Variants in AGBL4 observed in about 807,000 individuals in gnomAD.
AGBL4 encodes AGBL carboxypeptidase 4, also known as cytosolic carboxypeptidase 6.
AGBL4 carries 58 observed loss-of-function variants against 66.4 expected under a neutral mutation model. The observed-to-expected ratio is 0.87, with a 90% CI of 0.71 to 1.09. The LOEUF (loss-of-function observed/expected upper bound fraction) is 1.09. Among genes scored for constraint, AGBL4 ranks in the 50% least tolerant of loss-of-function variants. AGBL4 has a pLI of 0.00. For missense variants in AGBL4, 579 were observed against 631.0 expected (o/e 0.92, Z 0.88); for synonymous variants, 234 against 222.9 (o/e 1.05, Z -0.44).
chr1:48,582,560 T>C (rs1179603016), intron 11 of AGBL4, among the ~76,000 whole-genome samples: 1 of 152,096 alleles, frequency 6.6e-6, no homozygotes, highest in Non-Finnish European at 1.5e-5. Context: ...AAGTTAAAGA[T>C]TCAACCAACA....
Position 49,855,236 on chromosome 1 carries a change from C to T in AGBL4, c.35-3718G>A, listed in dbSNP as rs796191420. Among the ~76,000 whole-genome samples, 14 of 152,096 alleles carry T rather than the reference C, an allele frequency of 9.2e-5. 1 individual carries two copies. Among genetic ancestry groups the T allele is most frequent in the African/African-American group, 3.1e-4 (13 of 41,490 alleles). On this transcript the variant is annotated intron_variant, in intron 1 of 13. Coordinates refer to ENST00000371839, the MANE Select transcript of AGBL4 (RefSeq NM_032785.4). ...GATATAACAAATATATATATATGCC[C>T]CCAACACCAGAACATCCAGATATAT... is the stretch of plus-strand genomic sequence containing the variant.
chr1:48,524,424 T>C, the AGBL4 span, among the ~76,000 whole-genome samples: 1 of 152,126 alleles, frequency 6.6e-6, no homozygotes, highest in African/African-American at 2.4e-5. Flanking sequence ...TGGTGAGCTC[T>C]CCACCCCAGA....
At chr1:49,657,430 G>A (rs1332574733) in intron 3 of AGBL4, among the ~76,000 whole-genome samples, 1 of 152,124 alleles carries the variant, frequency 6.6e-6, no homozygotes, top group Non-Finnish European at 1.5e-5. Flanking sequence ...TGGCCATACT[G>A]CCCAAGGTAA....
At chr1:48,888,283 G>A (rs1650567490) in intron 5 of AGBL4, among the ~76,000 whole-genome samples, 1 of 152,152 alleles carries the variant, frequency 6.6e-6, no homozygotes, top group Admixed American at 6.6e-5. Flanking sequence ...CTTTCTGCAT[G>A]TCAATGGGGA....
chr1:49,719,644 G>A (rs1206826923), intron 2 of AGBL4, among the ~76,000 whole-genome samples: 1 of 152,070 alleles, frequency 6.6e-6, no homozygotes, highest in Non-Finnish European at 1.5e-5. Flanking sequence ...ATAAAAGACT[G>A]AAAGTAAGAT....
intron 5 of AGBL4, among the ~76,000 whole-genome samples, chr1:48,883,674 C>T (rs780525684): frequency 5.3e-5 from 8 of 152,178 alleles, no homozygotes; most frequent in Non-Finnish European, 1.2e-4. Context: ...GTCCCATTCA[C>T]CACTGTAGCC....
At chr1:48,850,305 T>C (rs562043065) in intron 6 of AGBL4, among the ~76,000 whole-genome samples, 3 of 152,124 alleles carry the variant, frequency 2.0e-5, no homozygotes, top group Non-Finnish European at 4.4e-5. Flanking sequence ...AGCTGTCAGA[T>C]CCCAGAATCA....
At chr1:48,902,640 T>C (rs1021025094) in intron 5 of AGBL4, among the ~76,000 whole-genome samples, 4 of 152,098 alleles carry the variant, frequency 2.6e-5, no homozygotes, top group Admixed American at 6.6e-5. Context: ...GAAGCCCTCA[T>C]CTCCTTTTTC....
intron 1 of AGBL4, among the ~76,000 whole-genome samples, chr1:49,918,036 T>C (rs379818): frequency 7.0e-4 from 106 of 152,080 alleles, no homozygotes; most frequent in African/African-American, 2.5e-3. Flanking sequence ...TTGAAACCAA[T>C]GAGAACAAAG....
intron 1 of AGBL4, among the ~76,000 whole-genome samples, chr1:49,860,074 A>C (rs1646530850): frequency 6.6e-6 from 1 of 152,246 alleles, no homozygotes; most frequent in Non-Finnish European, 1.5e-5. Context: ...AAAAGGTCTA[A>C]ATAAAGGGAG....
intron 3 of AGBL4, among the ~76,000 whole-genome samples, chr1:49,378,425 C>T (rs1012521306): frequency 6.6e-6 from 1 of 151,910 alleles, no homozygotes; most frequent in Non-Finnish European, 1.5e-5. Context: ...ACTGTGAAAA[C>T]CTAACACTGT....
intron 4 of AGBL4, among the ~76,000 whole-genome samples, chr1:49,089,281 G>GA (rs1004568490): frequency 9.4e-4 from 139 of 147,754 alleles, no homozygotes; most frequent in African/African-American, 2.6e-3. Context: ...ATTGAGATGG[G>GA]AAAAAAAAAC....
intron 3 of AGBL4, among the ~76,000 whole-genome samples, chr1:49,443,173 TTAG>T (rs1646074028): frequency 6.6e-6 from 1 of 152,162 alleles, no homozygotes; most frequent in Admixed American, 6.5e-5. Flanking sequence ...ATTCTGGATA[TTAG>T]TCCTTTATCA....
rs528931439 is a variant in AGBL4 at position 49,740,864 on chromosome 1, C to G, written c.158-43427G>C. On this transcript the variant is annotated intron_variant, in intron 2 of 13. Transcript: ENST00000371839. ...TCTTTGAAACCAATGAGAACAAACA[C>G]ACAACATACCAGAATCTCTGGGACA... Among the ~76,000 whole-genome samples, 4 of 152,256 alleles carry G rather than the reference C, an allele frequency of 2.6e-5. No individual in the cohort carries two copies. The East Asian group carries it at 7.7e-4, about 29-fold the overall frequency.
At chr1:49,346,139 A>G (rs1645629787) in intron 3 of AGBL4, among the ~76,000 whole-genome samples, 1 of 152,220 alleles carries the variant, frequency 6.6e-6, no homozygotes, top group Non-Finnish European at 1.5e-5. Context: ...CTAACTGGTC[A>G]TATCATGATT....
intron 2 of AGBL4, among the ~76,000 whole-genome samples, chr1:49,790,420 CA>C (rs1466910826): frequency 6.8e-6 from 1 of 147,924 alleles, no homozygotes. Context: ...AGATAAATAC[CA>C]AAAACAAGTT....
chr1:48,635,111 T>C (rs1424261898), intron 8 of AGBL4, among the ~76,000 whole-genome samples: 2 of 152,244 alleles, frequency 1.3e-5, no homozygotes, highest in African/African-American at 4.8e-5. Context: ...ATATTTTACC[T>C]GGTCTTCTTG....
At chr1:48,760,804 T>G (rs1644217897) in intron 6 of AGBL4, among the ~76,000 whole-genome samples, 1 of 152,132 alleles carries the variant, frequency 6.6e-6, no homozygotes, top group Admixed American at 6.5e-5. Flanking sequence ...CCGAACAAGA[T>G]TTTCAGCAGT....
At chr1:49,284,277 T>C (rs913706701) in intron 3 of AGBL4, among the ~76,000 whole-genome samples, 10 of 152,190 alleles carry the variant, frequency 6.6e-5, no homozygotes, top group East Asian at 3.9e-4. Flanking sequence ...AAACTAAGCT[T>C]CATAAGTGAA....
Sources: gnomAD v4.1 joint callset for allele counts (sites outside exome capture counted in the v4.1 genomes callset) on GRCh38, gnomAD v4.1.1 for gene constraint, MANE v1.5 for transcripts, NCBI Gene and HGNC (gene_info 2026-07-23, HGNC 2026-07-21) for gene names.